DMD: variants seen among roughly 807,000 people sequenced by gnomAD.
The protein encoded by DMD is dystrophin, also known as mutant dystrophin.
DMD carries 63 observed loss-of-function variants against 330.1 expected under a neutral mutation model. The ratio of observed to expected loss-of-function variants is 0.19; its 90% CI spans 0.16 to 0.24. The LOEUF (loss-of-function observed/expected upper bound fraction) is 0.24, where lower values mean the gene tolerates loss of function less well. Among genes scored for constraint, DMD ranks in the 10% least tolerant of loss-of-function variants. DMD has a pLI of 1.00. For missense variants in DMD, 3,344 were observed against 2,684.1 expected (o/e 1.25, Z -5.43); for synonymous variants, 1,223 against 959.8 (o/e 1.27, Z -5.07).
At position 31,237,668 on chromosome X, in the gene DMD, C is replaced by G. The variant is rs954483603; in HGVS notation, c.9287-14547G>C. ...TTACCCTCTGTGTATCTGGACAATACATTTGAATCTGGAACCAATATTACC... is the reference window on the plus strand; with the variant it reads ...TTACCCTCTGTGTATCTGGACAATAGATTTGAATCTGGAACCAATATTACC... On this transcript the variant is annotated intron_variant, in intron 63 of 78. Coordinates refer to ENST00000357033, the MANE Select transcript of DMD (RefSeq NM_004006.3). Among the ~76,000 whole-genome samples the G allele has an allele frequency of 2.7e-5, 3 of 112,133 alleles. No homozygotes were observed. In the Admixed American group the frequency reaches 2.8e-4, roughly 11 times the overall value.
intron 6 of DMD, among the ~76,000 whole-genome samples, chrX:32,811,232 C>T (rs7891742): frequency 1.9e-5 from 2 of 107,707 alleles, no homozygotes; most frequent in African/African-American, 6.8e-5. Flanking sequence ...GTGGTCCCAG[C>T]TACTCAGGAG....
At chrX:32,896,032 AT>A (rs1424046608) in intron 2 of DMD, among the ~76,000 whole-genome samples, 3 of 111,765 alleles carry the variant, frequency 2.7e-5, no homozygotes, top group South Asian at 7.4e-4. Flanking sequence ...GTAATGACTT[AT>A]AAGAAAAATT....
chrX:32,062,037 G>A (rs1335780978), intron 44 of DMD, among the ~76,000 whole-genome samples: 1 of 110,855 alleles, frequency 9.0e-6, no homozygotes, highest in Admixed American at 9.6e-5. Flanking sequence ...GATTTCTCCA[G>A]GTCTTAGAAA....
At chrX:31,633,924 T>A (rs1452429738) in intron 54 of DMD, among the ~76,000 whole-genome samples, 1 of 112,388 alleles carries the variant, frequency 8.9e-6, no homozygotes, top group African/African-American at 3.2e-5. Flanking sequence ...GTGGCAGAGC[T>A]GGGGGTATAG....
intron 70 of DMD, 95 bp downstream of exon 70, chrX:31,178,574 G>C (rs1421227153): frequency 4.6e-6 from 5 of 1,096,268 alleles, no homozygotes; most frequent in Non-Finnish European, 6.0e-6. Context: ...AAATAGAAGA[G>C]ACTGTTTGCA....
At position 31,212,158 on chromosome X, in the gene DMD, A is replaced by ATG. The variant is rs1463232645; in HGVS notation, c.9362-2460_9362-2459insCA. On this transcript the variant is annotated intron_variant, in intron 64 of 78. Transcript: ENST00000357033. The stretch of plus-strand genomic sequence containing the variant: ...TCCATTAAATATATTATATATATAT[A>ATG]TATATATATGTGTGTGTGTATGTGT... Among the ~76,000 whole-genome samples the ATG allele has an allele frequency of 6.7e-3, 526 of 78,097 alleles. 4 individuals are homozygous for ATG. The highest frequency in any genetic ancestry group is 0.025 in the African/African-American group (496 of 20,190). 67.8% of individuals were successfully genotyped at this position (78,097 alleles called of 115,157 possible). A position where few individuals can be genotyped will look rare whatever the true frequency, so the allele number is the denominator to read the frequency against.
intron 43 of DMD, among the ~76,000 whole-genome samples, chrX:32,276,778 C>T (rs1047289160): frequency 1.0e-4 from 11 of 110,053 alleles, no homozygotes; most frequent in Admixed American, 5.8e-4. Flanking sequence ...AAATTAGCCA[C>T]GCGTGATTGT....
At chrX:32,148,697 T>C (rs373137356) in intron 44 of DMD, among the ~76,000 whole-genome samples, 33 of 111,508 alleles carry the variant, frequency 3.0e-4, no homozygotes, top group African/African-American at 1.0e-3. Flanking sequence ...CAAAATGAAA[T>C]AGGAATTAAT....
chrX:31,821,567 T>C (rs185495808), intron 49 of DMD, among the ~76,000 whole-genome samples: 179 of 111,837 alleles, frequency 1.6e-3, no homozygotes, highest in Non-Finnish European at 2.6e-3. Context: ...TGCAATAACA[T>C]ATGTAAGAAA....
intron 2 of DMD, among the ~76,000 whole-genome samples, chrX:32,985,218 A>T (rs1194693761): frequency 9.0e-6 from 1 of 111,720 alleles, no homozygotes; most frequent in Non-Finnish European, 1.9e-5. Context: ...GTGTGCATAC[A>T]CACATGCACA....
At position 32,518,055 on chromosome X, in the gene DMD, T is replaced by G; in HGVS notation, c.2245A>C (p.Ile749Leu). ...EAVLQSPEFAIFRKEGNFSDL... is the reference protein window; with the variant it reads ...EAVLQSPEFALFRKEGNFSDL... ...GAGAAGTTGCCTTCCTTCCGAAAGA[T>G]TGCAAATTCAGGACTCTGCAACACA... Residue 749 changes from isoleucine (I) to leucine (L), a missense_variant, in exon 18 of 79, where the codon ATC becomes CTC. Coordinates refer to ENST00000357033, the MANE Select transcript of DMD (RefSeq NM_004006.3). 1 of 1,210,450 alleles carries G rather than the reference T, an allele frequency of 8.3e-7. No homozygotes were observed. Among genetic ancestry groups the G allele is most frequent in the Non-Finnish European group, 1.1e-6 (1 of 894,284 alleles).
chrX:33,045,315 T>TGTACACAC (rs367624571), intron 1 of DMD, among the ~76,000 whole-genome samples: 1 of 96,741 alleles, frequency 1.0e-5, no homozygotes, highest in African/African-American at 3.8e-5. Flanking sequence ...CACAGGTGCG[T>TGTACACAC]ACACACACAC....
intron 1 of DMD, among the ~76,000 whole-genome samples, chrX:33,135,965 C>A (rs112613845): frequency 1.8e-5 from 2 of 111,254 alleles, no homozygotes; most frequent in South Asian, 7.5e-4. Flanking sequence ...CAACTATTAC[C>A]TTTATTGTGT....
At chrX:32,780,306 A>G (rs1003729318) in intron 7 of DMD, among the ~76,000 whole-genome samples, 2 of 112,308 alleles carry the variant, frequency 1.8e-5, no homozygotes, top group Admixed American at 1.9e-4. Flanking sequence ...GCCCGACAGA[A>G]CTATTTAGTT....
chrX:33,190,853 A>C, intron 1 of DMD, among the ~76,000 whole-genome samples: 1 of 14,864 alleles, frequency 6.7e-5, no homozygotes, highest in African/African-American at 1.2e-4. Context: ...CTAATATATA[A>C]TATATAATAT....
intron 30 of DMD, among the ~76,000 whole-genome samples, chrX:32,401,082 C>CA (rs1371602796): frequency 1.0e-3 from 108 of 105,278 alleles, no homozygotes; most frequent in African/African-American, 3.7e-3. Context: ...ATCTCAAGGA[C>CA]AAAAAACCAA....
At chrX:33,111,032 A>G (rs2095335673) in intron 1 of DMD, among the ~76,000 whole-genome samples, 1 of 111,562 alleles carries the variant, frequency 9.0e-6, no homozygotes, top group South Asian at 3.8e-4. Context: ...AGATGCTTGA[A>G]AATTAAAATT....
At chrX:31,273,900 T>A (rs2051873686) in intron 62 of DMD, among the ~76,000 whole-genome samples, 1 of 111,977 alleles carries the variant, frequency 8.9e-6, no homozygotes, top group African/African-American at 3.2e-5. Flanking sequence ...ATGTGGATAA[T>A]ACTGCCATAT....
intron 63 of DMD, among the ~76,000 whole-genome samples, chrX:31,246,432 A>G (rs2048838463): frequency 8.9e-6 from 1 of 112,675 alleles, no homozygotes. Flanking sequence ...ACAACGAACA[A>G]CAGATTTTCA....
Sources: allele counts gnomAD v4.1 joint callset (sites outside exome capture counted in the v4.1 genomes callset), GRCh38; gene constraint gnomAD v4.1.1; transcripts MANE v1.5; gene names NCBI Gene and HGNC (gene_info 2026-07-23, HGNC 2026-07-21).